NRG2: variants seen among roughly 807,000 people sequenced by gnomAD.
The protein encoded by NRG2 is neuregulin 2.
A neutral mutation model predicts 73.9 loss-of-function variants in NRG2; 27 were observed. The observed-to-expected ratio is 0.37, with a 90% CI of 0.27 to 0.50. The LOEUF (loss-of-function observed/expected upper bound fraction) is 0.50. NRG2 is among the 20% of genes least tolerant of loss of function. NRG2 has a pLI of 0.96. For missense variants in NRG2, 1,126 were observed against 1,210.1 expected, an observed-to-expected ratio of 0.93 and a Z score of 1.03; for synonymous variants, 532 against 541.0, an observed-to-expected ratio of 0.98 and a Z score of 0.23.
rs1472090107 is a variant in NRG2, at chr5:139,852,123, C to T, written c.1545-292G>A. On this transcript the variant is annotated intron_variant, in intron 8 of 9. Coordinates refer to ENST00000361474, the MANE Select transcript of NRG2 (RefSeq NM_004883.3). This position sits in a 1 kb window ranked among gnomAD's most constrained non-coding sequence, Gnocchi z 4.4. Reference sequence around the variant, plus strand: ...TTAGACCCCCTGTCTGGGACCTTTCCACCACCGTGGTCCTTAGCTACCTAT... The same window carrying T: ...TTAGACCCCCTGTCTGGGACCTTTCTACCACCGTGGTCCTTAGCTACCTAT... Among the ~76,000 whole-genome samples the T allele has an allele frequency of 6.6e-6, 1 of 152,186 alleles. No homozygotes were observed. Among genetic ancestry groups the T allele is most frequent in the Non-Finnish European group, 1.5e-5 (1 of 68,040 alleles).
rs771269887 is a variant in NRG2, at chr5:139,887,755, C to G, written c.701-244G>C. Among the ~76,000 whole-genome samples, 9 of 152,146 alleles carry G rather than the reference C, an allele frequency of 5.9e-5. No homozygotes were observed. Among genetic ancestry groups the G allele is most frequent in the Non-Finnish European group, 1.2e-4 (8 of 68,034 alleles). On this transcript the variant is annotated intron_variant, in intron 1 of 9. Coordinates refer to ENST00000361474, the MANE Select transcript of NRG2 (RefSeq NM_004883.3). This position sits in a 1 kb window ranked among gnomAD's most constrained non-coding sequence, Gnocchi z 4.5. The stretch of plus-strand genomic sequence containing the variant: ...CCTTCATGCCTTGAATGGTATGAAG[C>G]TTTACATTAGCTTATGAAACCTTCA...
At chr5:139,898,024 A>G (rs530367289) in intron 1 of NRG2, among the ~76,000 whole-genome samples, 1 of 152,334 alleles carries the variant, frequency 6.6e-6, no homozygotes, top group African/African-American at 2.4e-5. Flanking sequence ...GTCCTTATTC[A>G]TGTGTTCGTT....
chr5:139,854,383 A>T (rs1761681361), intron 6 of NRG2, among the ~76,000 whole-genome samples: 2 of 152,260 alleles, frequency 1.3e-5, no homozygotes, highest in Admixed American at 1.3e-4. Context: ...TGACTCTAAA[A>T]GGTGTCCCGT....
chr5:139,989,317 T>G lies in NRG2; in HGVS notation c.700+53053A>C, dbSNP rs577680126. Reference sequence around the variant, plus strand: ...CCTAACTGGTCATCCTGCTCCAGCTTCTACTCCTTTGATCCATTCTTCACA... The same window carrying G: ...CCTAACTGGTCATCCTGCTCCAGCTGCTACTCCTTTGATCCATTCTTCACA... On this transcript the variant is annotated intron_variant, in intron 1 of 9. Transcript: ENST00000361474. Among the ~76,000 whole-genome samples, 6 of 152,102 alleles carry G rather than the reference T, an allele frequency of 3.9e-5. No homozygotes were observed. In the South Asian group the frequency reaches 1.2e-3, roughly 32 times the overall value.
chr5:140,039,633 C>G (rs1761765685), intron 1 of NRG2, among the ~76,000 whole-genome samples: 1 of 152,080 alleles, frequency 6.6e-6, no homozygotes, highest in South Asian at 2.1e-4. Flanking sequence ...TGACCTCCTG[C>G]ATTGATGCTC....
intron 1 of NRG2, among the ~76,000 whole-genome samples, chr5:139,987,707 A>G (rs865939729): frequency 6.6e-6 from 1 of 151,850 alleles, no homozygotes; most frequent in Admixed American, 6.6e-5. Flanking sequence ...TAACTTGGTA[A>G]TATGTATCAA....
At chr5:140,037,131 G>A (rs1293518031) in intron 1 of NRG2, among the ~76,000 whole-genome samples, 1 of 152,214 alleles carries the variant, frequency 6.6e-6, no homozygotes, top group Non-Finnish European at 1.5e-5. Context: ...GACAACTGCG[G>A]TCTCTGTCTT....
At chr5:139,866,770 G>C (rs1304645392) in intron 4 of NRG2, among the ~76,000 whole-genome samples, 1 of 152,112 alleles carries the variant, frequency 6.6e-6, no homozygotes, top group Non-Finnish European at 1.5e-5. Context: ...CTACCCACAG[G>C]GTACACGTTC....
At chr5:140,016,876 G>A (rs1409652983) in intron 1 of NRG2, among the ~76,000 whole-genome samples, 4 of 152,206 alleles carry the variant, frequency 2.6e-5, no homozygotes, top group Non-Finnish European at 5.9e-5. Context: ...GTGTGGAGCA[G>A]GGGGCAGAGA....
At chr5:139,883,186 A>G (rs1481581070) in intron 2 of NRG2, among the ~76,000 whole-genome samples, 1 of 152,020 alleles carries the variant, frequency 6.6e-6, no homozygotes, top group African/African-American at 2.4e-5. Context: ...CTGGTGTCCC[A>G]TCACATGCTG....
intron 1 of NRG2, among the ~76,000 whole-genome samples, chr5:139,969,460 G>T (rs1429782080): frequency 1.3e-5 from 2 of 152,188 alleles, no homozygotes; most frequent in Admixed American, 1.3e-4. Flanking sequence ...GACCTCACTG[G>T]CAGCCTTCAA....
intron 1 of NRG2, among the ~76,000 whole-genome samples, chr5:140,013,414 A>G (rs1759524022): frequency 6.6e-6 from 1 of 152,228 alleles, no homozygotes; most frequent in South Asian, 2.1e-4. Context: ...ACAGAGTTTC[A>G]GTTCAGAAAG....
At chr5:139,858,693 A>C (rs772591753) in intron 5 of NRG2, among the ~76,000 whole-genome samples, 1 of 152,168 alleles carries the variant, frequency 6.6e-6, no homozygotes, top group Admixed American at 6.5e-5. Flanking sequence ...CTTAACACAA[A>C]GGCATTCACA....
At chr5:139,926,608 C>A (rs529914656) in intron 1 of NRG2, among the ~76,000 whole-genome samples, 5 of 152,270 alleles carry the variant, frequency 3.3e-5, no homozygotes, top group African/African-American at 1.2e-4. Context: ...GACCTCTGGG[C>A]AGGAAAACAG....
At chr5:140,039,243 C>CAA (rs1761734309) in intron 1 of NRG2, among the ~76,000 whole-genome samples, 1 of 152,110 alleles carries the variant, frequency 6.6e-6, no homozygotes, top group Non-Finnish European at 1.5e-5. Context: ...TGTAATTATA[C>CAA]CAAAATATAT....
chr5:139,875,692 C>A lies in NRG2; in HGVS notation c.992-3851G>T, dbSNP rs140334738. On this transcript the variant is annotated intron_variant, in intron 3 of 9. Coordinates refer to ENST00000361474, the MANE Select transcript of NRG2 (RefSeq NM_004883.3). Reference sequence around the variant, plus strand: ...CGTAATCCTAGCACTTTTGGGAGACCAAGGCAGGAAGATCACTTGAGACCA... The same window carrying A: ...CGTAATCCTAGCACTTTTGGGAGACAAAGGCAGGAAGATCACTTGAGACCA... Among the ~76,000 whole-genome samples, 1,426 of 152,194 alleles carry A rather than the reference C, an allele frequency of 9.4e-3. 22 individuals carry two copies. Among genetic ancestry groups the A allele is most frequent in the Non-Finnish European group, 0.016 (1,079 of 67,998 alleles).
chr5:139,940,686 G>A (rs1407761261), intron 1 of NRG2, among the ~76,000 whole-genome samples: 1 of 152,156 alleles, frequency 6.6e-6, no homozygotes, highest in Non-Finnish European at 1.5e-5. Flanking sequence ...AAACACATAG[G>A]TATGTGCCAT....
chr5:139,978,509 A>G (rs1483912198), intron 1 of NRG2, among the ~76,000 whole-genome samples: 1 of 152,204 alleles, frequency 6.6e-6, no homozygotes, highest in African/African-American at 2.4e-5. Context: ...ACTGTAAACT[A>G]GTTCAACCAT....
chr5:140,042,285 A>C (rs2126717432), intron 1 of NRG2, 85 bp downstream of exon 1: 37 of 179,996 alleles, frequency 2.1e-4, no homozygotes, highest in Non-Finnish European at 2.9e-4. Context: ...AGGCCCGGGC[A>C]CCTGCAGCAC....
Sources: gnomAD v4.1 joint callset for allele counts (sites outside exome capture counted in the v4.1 genomes callset) on GRCh38, gnomAD v4.1.1 for gene constraint, Gnocchi (gnomAD v3.1) non-coding constraint, MANE v1.5 for transcripts, NCBI Gene and HGNC (gene_info 2026-07-23, HGNC 2026-07-21) for gene names.